Variants in EFNA5 observed in about 807,000 individuals in gnomAD.
EFNA5 encodes the protein ephrin A5.
Under a neutral mutation model 22.9 loss-of-function variants are expected in EFNA5, and 5 were observed. The ratio of observed to expected loss-of-function variants is 0.22; its 90% CI spans 0.11 to 0.46. EFNA5 has a LOEUF of 0.46. EFNA5 is among the 20% of genes least tolerant of loss of function. The pLI is 0.99. For missense variants in EFNA5, 237 were observed against 293.3 expected (o/e 0.81, Z 1.40); for synonymous variants, 113 against 112.2 (o/e 1.01, Z -0.04).
rs140454683 is a variant in EFNA5, at chr5:107,397,107, T to G, written c.419-9336A>C. Reference sequence around the variant, plus strand: ...TTAATTTTTTTTTTTGTATACTATTTGGGTTAGCCTGGTGCAATGCCTATA... The same window carrying G: ...TTAATTTTTTTTTTTGTATACTATTGGGGTTAGCCTGGTGCAATGCCTATA... On this transcript the variant is annotated intron_variant, in intron 2 of 4. Coordinates refer to ENST00000333274, the MANE Select transcript of EFNA5 (RefSeq NM_001962.3). Among the ~76,000 whole-genome samples, 322 of 152,170 alleles carry G rather than the reference T, an allele frequency of 2.1e-3. 1 individual carries two copies. Among genetic ancestry groups the G allele is most frequent in the Admixed American group, 3.5e-3 (54 of 15,282 alleles).
At position 107,416,359 on chromosome 5, in the gene EFNA5, T is replaced by C. The variant is rs1007991438; in HGVS notation, c.418+10858A>G. ...TTTTAAAATATTTATTATGAAATAA[T>C]TGAATAAAGACTCTAGGCTTGGGGT... On this transcript the variant is annotated intron_variant, in intron 2 of 4. Coordinates refer to ENST00000333274, the MANE Select transcript of EFNA5 (RefSeq NM_001962.3). Among the ~76,000 whole-genome samples the C allele has an allele frequency of 2.6e-5, 4 of 152,186 alleles. No individual in the cohort carries two copies. In the East Asian group the frequency reaches 5.8e-4, roughly 22 times the overall value.
At chr5:107,501,460 A>T (rs773847291) in intron 1 of EFNA5, among the ~76,000 whole-genome samples, 1 of 147,270 alleles carries the variant, frequency 6.8e-6, no homozygotes, top group Non-Finnish European at 1.5e-5. Flanking sequence ...TACAGATATT[A>T]TAGCTTATGA....
At chr5:107,580,574 T>C (rs1049523093) in intron 1 of EFNA5, among the ~76,000 whole-genome samples, 1 of 151,664 alleles carries the variant, frequency 6.6e-6, no homozygotes, top group Non-Finnish European at 1.5e-5. Context: ...AATACAAAAA[T>C]TAGCCGGGCA....
chr5:107,478,435 T>G (rs908393065), intron 1 of EFNA5, among the ~76,000 whole-genome samples: 6 of 151,784 alleles, frequency 4.0e-5, no homozygotes, highest in Admixed American at 1.3e-4. Flanking sequence ...ACAAAGGTTT[T>G]GTAAATTTCA....
intron 1 of EFNA5, among the ~76,000 whole-genome samples, chr5:107,590,588 C>T (rs911253944): frequency 2.6e-5 from 4 of 151,796 alleles, no homozygotes; most frequent in African/African-American, 9.7e-5. Flanking sequence ...AGACAGGGTC[C>T]TACTGTGTTG....
chr5:107,660,656 T>C (rs538536669), intron 1 of EFNA5, among the ~76,000 whole-genome samples: 1 of 152,212 alleles, frequency 6.6e-6, no homozygotes, highest in African/African-American at 2.4e-5. Context: ...TGATACAAAA[T>C]ACCTGGGTGC....
chr5:107,486,619 G>A (rs1746629364), intron 1 of EFNA5, among the ~76,000 whole-genome samples: 1 of 152,098 alleles, frequency 6.6e-6, no homozygotes, highest in Non-Finnish European at 1.5e-5. Flanking sequence ...AGTTGTGGGC[G>A]GAAGGAACAT....
chr5:107,450,784 C>T (rs921005992), intron 1 of EFNA5, among the ~76,000 whole-genome samples: 2 of 152,202 alleles, frequency 1.3e-5, no homozygotes, highest in African/African-American at 4.8e-5. Context: ...TCAGAAACCA[C>T]TCAAACCAAT....
At chr5:107,446,561 T>C (rs1447088649) in intron 1 of EFNA5, among the ~76,000 whole-genome samples, 1 of 151,972 alleles carries the variant, frequency 6.6e-6, no homozygotes, top group Non-Finnish European at 1.5e-5. Flanking sequence ...CAGACCATCC[T>C]GGCTAACACG....
At chr5:107,636,150 T>C (rs1750368859) in intron 1 of EFNA5, among the ~76,000 whole-genome samples, 1 of 152,164 alleles carries the variant, frequency 6.6e-6, no homozygotes, top group East Asian at 1.9e-4. Context: ...TGAAAACATA[T>C]TTTATATATG....
intron 1 of EFNA5, among the ~76,000 whole-genome samples, chr5:107,536,462 T>C (rs1371265468): frequency 6.6e-6 from 1 of 152,224 alleles, no homozygotes; most frequent in African/African-American, 2.4e-5. Context: ...CTCAACTGTA[T>C]CTTTATACTA....
chr5:107,404,000 T>A (rs1748150204), intron 2 of EFNA5, among the ~76,000 whole-genome samples: 1 of 152,244 alleles, frequency 6.6e-6, no homozygotes, highest in Admixed American at 6.5e-5. Flanking sequence ...AATCTTAAAA[T>A]AGCCCAGAAT....
intron 1 of EFNA5, among the ~76,000 whole-genome samples, chr5:107,467,078 G>C (rs1750007130): frequency 6.6e-6 from 1 of 152,022 alleles, no homozygotes; most frequent in Non-Finnish European, 1.5e-5. Context: ...CATTTAAATA[G>C]GTAATTACTG....
chr5:107,636,413 G>A (rs904458470), intron 1 of EFNA5, among the ~76,000 whole-genome samples: 2 of 152,156 alleles, frequency 1.3e-5, no homozygotes, highest in African/African-American at 4.8e-5. Flanking sequence ...TTCAATACAA[G>A]AAAATGCTTT....
intron 1 of EFNA5, among the ~76,000 whole-genome samples, chr5:107,595,205 T>C (rs1050585950): frequency 6.6e-6 from 1 of 152,110 alleles, no homozygotes; most frequent in Non-Finnish European, 1.5e-5. Flanking sequence ...GTATAACCTT[T>C]AGAATGAAAG....
chr5:107,400,904 T>C (rs999322214), intron 2 of EFNA5, among the ~76,000 whole-genome samples: 3 of 152,212 alleles, frequency 2.0e-5, no homozygotes, highest in Non-Finnish European at 2.9e-5. Flanking sequence ...TGCAAGCTTA[T>C]TGAGAGATTT....
At chr5:107,451,552 TTAGA>T (rs777821180) in intron 1 of EFNA5, among the ~76,000 whole-genome samples, 55 of 152,236 alleles carry the variant, frequency 3.6e-4, no homozygotes, top group African/African-American at 1.3e-3. Flanking sequence ...CAGTATACAT[TTAGA>T]TAGATAGACA....
chr5:107,643,113 C>T (rs973595943), intron 1 of EFNA5, among the ~76,000 whole-genome samples: 4 of 152,096 alleles, frequency 2.6e-5, no homozygotes, highest in African/African-American at 9.7e-5. Context: ...GGCAACAGCA[C>T]ATTTCTCTTC....
intron 1 of EFNA5, among the ~76,000 whole-genome samples, chr5:107,629,108 T>C (rs1750193279): frequency 6.6e-6 from 1 of 152,162 alleles, no homozygotes; most frequent in African/African-American, 2.4e-5. Flanking sequence ...CATTATATTG[T>C]TTAAAAATTA....
Sources: gnomAD v4.1 joint callset for allele counts (sites outside exome capture counted in the v4.1 genomes callset) on GRCh38, gnomAD v4.1.1 for gene constraint, MANE v1.5 for transcripts, NCBI Gene and HGNC (gene_info 2026-07-23, HGNC 2026-07-21) for gene names.